CCDC40: variants seen among roughly 807,000 people sequenced by gnomAD.
The protein encoded by CCDC40 is coiled-coil domain 40 molecular ruler complex subunit.
CCDC40 carries 104 observed loss-of-function variants against 124.5 expected under a neutral mutation model. That is an observed-to-expected ratio of 0.84 (90% CI 0.71 to 0.98). The LOEUF is 0.98. Among genes scored for constraint, CCDC40 ranks in the 50% least tolerant of loss-of-function variants. The pLI is 0.00. For synonymous variants in CCDC40, 580 were observed against 602.9 expected (o/e 0.96, Z 0.56); for missense variants, 1,463 against 1,503.9 (o/e 0.97, Z 0.45).
At chr17:80,054,785 C>T (rs2037695044) in intron 7 of CCDC40, among the ~76,000 whole-genome samples, 1 of 152,014 alleles carries the variant, frequency 6.6e-6, no homozygotes, top group South Asian at 2.1e-4. Context: ...ACCAGCCTGG[C>T]CAACGTGGTG....
Position 80,085,996 on chromosome 17 carries a change from G to A in CCDC40, c.2236-7G>A, listed in dbSNP as rs771311333. The A allele has an allele frequency of 6.2e-6, 10 of 1,613,460 alleles. No homozygotes were observed. Among genetic ancestry groups the A allele is most frequent in the African/African-American group, 4.0e-5 (3 of 74,878 alleles). ...TAATTTTGCTTTTTGATGAATATCC[G>A]GTCTAGGGGGAAGAAGTGGGGCCCC... On this transcript the variant is annotated splice_polypyrimidine_tract_variant and splice_region_variant and intron_variant, in intron 13 of 19. Coordinates refer to ENST00000397545, the MANE Select transcript of CCDC40 (RefSeq NM_017950.4).
rs111822347 is a variant in CCDC40, at chr17:80,038,125, C to G, written c.32C>G (p.Ser11Cys). MAEPGGAAGR[S>C]HPEDGSASEG... ...TTCAATTGTTTCTCTAAAACCAGGT[C>G]CCATCCGGAAGATGGATCGGCTTCT... Residue 11 changes from serine (S) to cysteine (C), a missense_variant and splice_region_variant, in exon 2 of 20, where the codon TCC becomes TGC. Coordinates refer to ENST00000397545, the MANE Select transcript of CCDC40 (RefSeq NM_017950.4). The G allele has an allele frequency of 9.7e-5, 156 of 1,606,834 alleles. 1 individual carries two copies. The African/African-American group carries it at 1.3e-3, about 14-fold the overall frequency.
In CCDC40 at chr17:80,081,662, C is replaced by G; in HGVS notation, c.1679C>G (p.Thr560Arg). ...KLASILNRTETEATLLQKLTT... is the reference protein window; with the variant it reads ...KLASILNRTEREATLLQKLTT... The stretch of plus-strand genomic sequence containing the variant: ...GCGAGCATCCTGAACCGGACAGAGA[C>G]GGAAGCCACACTGCTGCAGAAGCTC... The change falls in exon 11 of 20, where the codon ACG becomes AGG. Residue 560 changes from threonine (T) to arginine (R), a missense_variant. Thr to Arg is a moderately conservative substitution (Grantham distance 71). Transcript: ENST00000397545. 6.2e-7 allele frequency: 1 copy of G among 1,614,200 alleles called. No individual in the cohort carries two copies. Among genetic ancestry groups the G allele is most frequent in the Non-Finnish European group, 8.5e-7 (1 of 1,180,042 alleles).
intron 9 of CCDC40, among the ~76,000 whole-genome samples, chr17:80,063,237 T>G (rs2037950197): frequency 6.6e-6 from 1 of 152,082 alleles, no homozygotes; most frequent in South Asian, 2.1e-4. Flanking sequence ...TATATAGAAT[T>G]TGATTTCGCA....
At chr17:80,075,667 C>T (rs1296462602) in intron 10 of CCDC40, among the ~76,000 whole-genome samples, 5 of 151,982 alleles carry the variant, frequency 3.3e-5, no homozygotes, top group African/African-American at 4.8e-5. Flanking sequence ...TTAGTAGAGA[C>T]GGGTTTTCAC....
At chr17:80,095,894 G>A (rs139672499) in intron 18 of CCDC40, among the ~76,000 whole-genome samples, 43 of 152,368 alleles carry the variant, frequency 2.8e-4, no homozygotes, top group East Asian at 1.2e-3. Flanking sequence ...TGGGCACCGG[G>A]GACCAGCTGA....
rs762184767 is a variant in CCDC40, at chr17:80,040,155, C to T, written c.437C>T (p.Thr146Ile). 3.7e-6 allele frequency: 6 copies of T among 1,613,852 alleles called. No homozygotes were observed. The change falls in exon 3 of 20, where the codon ACC becomes ATC. Residue 146 changes from threonine (T) to isoleucine (I), a missense_variant. Transcript: ENST00000397545. ...AGLQGFQQEA[T>I]GPPESRERRV... is the part of the protein sequence containing the mutation. ...CTCCAAGGCTTCCAGCAAGAGGCCA[C>T]CGGTCCACCAGAATCCAGAGAAAGG... is the stretch of plus-strand genomic sequence containing the variant.
intron 12 of CCDC40, among the ~76,000 whole-genome samples, chr17:80,084,521 A>G (rs1261149954): frequency 6.6e-6 from 1 of 152,150 alleles, no homozygotes; most frequent in Non-Finnish European, 1.5e-5. Flanking sequence ...AGCTAATACC[A>G]TGATCTCTCT....
At chr17:80,062,196 A>G (rs2037917999) in intron 9 of CCDC40, among the ~76,000 whole-genome samples, 1 of 152,202 alleles carries the variant, frequency 6.6e-6, no homozygotes, top group Admixed American at 6.5e-5. Flanking sequence ...AGACCCCAAG[A>G]AGAGGACATT....
At chr17:80,097,783 C>T (rs909497202) in intron 19 of CCDC40, 11 of 256,316 alleles carry the variant, frequency 4.3e-5, no homozygotes, top group African/African-American at 2.5e-4. Flanking sequence ...ACCTGTGGTG[C>T]CAGCTACTCA....
intron 19 of CCDC40, 109 bp downstream of exon 19, chr17:80,097,512 C>CG (rs937582752): frequency 8.6e-7 from 1 of 1,164,106 alleles, no homozygotes; most frequent in Non-Finnish European, 1.2e-6. Context: ...GATCAGGTCA[C>CG]GGCCTCTCCT....
chr17:80,052,979 T>C (rs574382950), intron 7 of CCDC40, among the ~76,000 whole-genome samples: 50 of 152,262 alleles, frequency 3.3e-4, no homozygotes, highest in African/African-American at 1.2e-3. Flanking sequence ...ATTTCTTAAC[T>C]AAAAAGCCAG....
Position 80,087,934 on chromosome 17 carries a change from G to T in CCDC40, c.2620-77G>T. 7.5e-7 allele frequency: 1 copy of T among 1,325,316 alleles called. No individual in the cohort carries two copies. Among genetic ancestry groups the T allele is most frequent in the South Asian group, 1.2e-5 (1 of 85,306 alleles). 82.1% of individuals were successfully genotyped at this position (1,325,316 alleles called of 1,614,324 possible). On this transcript the variant is annotated intron_variant, in intron 15 of 19. Coordinates refer to ENST00000397545, the MANE Select transcript of CCDC40 (RefSeq NM_017950.4). The surrounding 1 kb of genome is among the most constrained non-coding windows in gnomAD (Gnocchi z 4.5). ...AGCCTGCAGCCCTGCCCTCGGTGCC[G>T]GGATAGAGGGCACCAGCCCCGGCAT...
intron 5 of CCDC40, 53 bp from the exon 6 acceptor site, chr17:80,049,853 C>G (rs374617183): frequency 3.3e-6 from 5 of 1,513,146 alleles, no homozygotes; most frequent in South Asian, 1.1e-5. Flanking sequence ...AGCCCTGGGT[C>G]GGGCAGGAGG....
Position 80,049,986 on chromosome 17 carries a change from G to A in CCDC40, c.936G>A (p.Glu312=). The part of the protein sequence containing the change: ...QIEKLKLDLQ[E]LVVATKQSRA... ...AAAAGTTGAAGCTGGACCTCCAAGA[G>A]CTGGTGTGTATCCGTCCAGTCTCCC... The change falls in exon 6 of 20, where the codon GAG becomes GAA. Residue 312 remains glutamate (E), a synonymous_variant. Transcript: ENST00000397545. 1.9e-6 allele frequency: 3 copies of A among 1,614,074 alleles called. No homozygotes were observed. Among genetic ancestry groups the A allele is most frequent in the Non-Finnish European group, 8.5e-7 (1 of 1,179,982 alleles).
Position 80,066,088 on chromosome 17 carries a change from T to C in CCDC40, c.1562+482T>C, listed in dbSNP as rs1481068661. The C allele has an allele frequency of 4.3e-6, 3 of 702,912 alleles. No homozygotes were observed. Among genetic ancestry groups the C allele is most frequent in the Non-Finnish European group, 7.8e-6 (3 of 384,970 alleles). The allele number at this position is 702,912 out of a possible 1,614,324, so 43.5% of individuals were successfully genotyped here. ...GGATGCGTGGCTCAGGGCAGGGCGT[T>C]GGAGACACAGGTGCTGCCTTCATTC... On this transcript the variant is annotated intron_variant, in intron 10 of 19. Coordinates refer to ENST00000397545, the MANE Select transcript of CCDC40 (RefSeq NM_017950.4). The surrounding 1 kb of genome is among the most constrained non-coding windows in gnomAD (Gnocchi z 4.4).
At chr17:80,039,598 G>A (rs555134036) in intron 2 of CCDC40, among the ~76,000 whole-genome samples, 67 of 152,018 alleles carry the variant, frequency 4.4e-4, no homozygotes, top group African/African-American at 1.6e-3. Flanking sequence ...TTTTAGTAGA[G>A]ACGGGGTTTC....
Position 80,088,056 on chromosome 17 carries a change from C to A in CCDC40, c.2665C>A (p.Leu889Ile). The change falls in exon 16 of 20, where the codon CTC (leucine) becomes ATC (isoleucine). Residue 889 changes from leucine to isoleucine, a missense_variant. Leu to Ile is a conservative substitution (Grantham distance 5, BLOSUM62 2). Coordinates refer to ENST00000397545, the MANE Select transcript of CCDC40 (RefSeq NM_017950.4). The part of the protein sequence containing the change: ...TIKMQDKLNQ[L>I]SEEKATLLNQ... The stretch of plus-strand genomic sequence containing the variant: ...CAAGATGCAGGACAAGCTGAACCAG[C>A]TCAGCGAGGAGAAGGCGACCCTCCT... 6.2e-7 allele frequency: 1 copy of A among 1,613,830 alleles called. No homozygotes were observed. The highest frequency in any genetic ancestry group is 8.5e-7 in the Non-Finnish European group (1 of 1,179,876).
chr17:80,062,895 A>G (rs1295464137), intron 9 of CCDC40, among the ~76,000 whole-genome samples: 1 of 152,008 alleles, frequency 6.6e-6, no homozygotes, highest in East Asian at 1.9e-4. Context: ...CTGGCACAAT[A>G]CATTAATTTT....
Sources: gnomAD v4.1 joint callset for allele counts (sites outside exome capture counted in the v4.1 genomes callset) on GRCh38, gnomAD v4.1.1 for gene constraint, Gnocchi (gnomAD v3.1) non-coding constraint, MANE v1.5 for transcripts, NCBI Gene and HGNC (gene_info 2026-07-23, HGNC 2026-07-21) for gene names.